Variants in ITGB3BP observed in about 807,000 individuals in gnomAD.
ITGB3BP encodes the protein centromere protein R.
In ITGB3BP, 27 loss-of-function variants were observed where a neutral mutation model predicts 29.1. The ratio of observed to expected loss-of-function variants is 0.93; its 90% CI spans 0.68 to 1.28. ITGB3BP has a LOEUF of 1.28. Ranked by LOEUF, ITGB3BP falls within the 50% of genes most tolerant of loss-of-function variation. ITGB3BP has a pLI of 0.00. For missense variants in ITGB3BP, 192 were observed against 200.2 expected (o/e 0.96, Z 0.25); for synonymous variants, 61 against 61.4 (o/e 0.99, Z 0.03).
intron 1 of ITGB3BP, among the ~76,000 whole-genome samples, chr1:63,518,609 A>G (rs955100075): frequency 3.5e-5 from 5 of 142,476 alleles, no homozygotes; most frequent in African/African-American, 7.8e-5. Flanking sequence ...TTTAACTTTC[A>G]ACTTTGTTGC....
At position 63,440,978 on chromosome 1, in the gene ITGB3BP, AC is replaced by A. The variant is rs1246724764; in HGVS notation, c.*126del. ...TGCAAGAAATTTTATCTAGACATGC[AC>A]CTGCCAACTGCTACGAGCTGGTATT... On this transcript the variant is annotated 3_prime_UTR_variant, in exon 9 of 9. Coordinates refer to ENST00000271002, the MANE Select transcript of ITGB3BP (RefSeq NM_014288.5). 2 of 152,604 alleles carry A rather than the reference AC, an allele frequency of 1.3e-5. No individual in the cohort carries two copies. Among genetic ancestry groups the A allele is most frequent in the Non-Finnish European group, 2.9e-5 (2 of 68,032 alleles). The allele number at this position is 152,604 out of a possible 1,614,324, so 9.5% of individuals were successfully genotyped here.
chr1:63,515,825 TAAAAAAAAAAAAAA>T (rs76881362), intron 1 of ITGB3BP, among the ~76,000 whole-genome samples: 2 of 48,634 alleles, frequency 4.1e-5, no homozygotes, highest in East Asian at 7.7e-4. Flanking sequence ...GACTCCAACT[TAAAAAAAAAAAAAA>T]AAAAAAAAAA....
chr1:63,523,150 G>T lies in ITGB3BP; in HGVS notation c.-17C>A. On this transcript the variant is annotated 5_prime_UTR_variant, in exon 1 of 9. Coordinates refer to ENST00000271002, the MANE Select transcript of ITGB3BP (RefSeq NM_014288.5). ...CTACGGCATTCTGAGATTCGGGAAA[G>T]CACCACTGCCGCTGAATAAAACGAA... is the stretch of plus-strand genomic sequence containing the variant. 1.2e-6 allele frequency: 2 copies of T among 1,614,086 alleles called. No individual in the cohort carries two copies. The highest frequency in any genetic ancestry group is 1.7e-6 in the Non-Finnish European group (2 of 1,180,016).
At chr1:63,482,613 C>T (rs1645458104) in intron 3 of ITGB3BP, among the ~76,000 whole-genome samples, 1 of 149,150 alleles carries the variant, frequency 6.7e-6, no homozygotes, top group Non-Finnish European at 1.5e-5. Context: ...TAAATAACCT[C>T]TTTGGAGGAT....
In ITGB3BP at chr1:63,505,031, G is replaced by C. The variant is rs114380037; in HGVS notation, c.48+3497C>G. Among the ~76,000 whole-genome samples, 673 of 152,306 alleles carry C rather than the reference G, an allele frequency of 4.4e-3. 5 individuals are homozygous for C. The highest frequency in any genetic ancestry group is 0.015 in the African/African-American group (619 of 41,564). On this transcript the variant is annotated intron_variant, in intron 2 of 8. Coordinates refer to ENST00000271002, the MANE Select transcript of ITGB3BP (RefSeq NM_014288.5). ...CAGGATGATGCTGGGCTCATAAAAT[G>C]CATCAGGGAGGATTCCCTCTTTTTC...
chr1:63,502,355 A>C (rs1333312319), intron 2 of ITGB3BP, among the ~76,000 whole-genome samples: 1 of 152,084 alleles, frequency 6.6e-6, no homozygotes, highest in African/African-American at 2.4e-5. Context: ...GGTATGGTCC[A>C]TATCTCTGCT....
At chr1:63,468,959 G>A (rs1275804562) in intron 4 of ITGB3BP, among the ~76,000 whole-genome samples, 2 of 151,962 alleles carry the variant, frequency 1.3e-5, no homozygotes, top group African/African-American at 2.4e-5. Flanking sequence ...CCTGAGGCAG[G>A]AGGATTGCTT....
At chr1:63,522,706 G>C (rs565675675) in intron 1 of ITGB3BP, among the ~76,000 whole-genome samples, 7 of 152,188 alleles carry the variant, frequency 4.6e-5, no homozygotes, top group African/African-American at 1.4e-4. Flanking sequence ...GTCTTATCTG[G>C]AATCCAGGTA....
chr1:63,510,671 G>C (rs1257349672), intron 1 of ITGB3BP, among the ~76,000 whole-genome samples: 1 of 152,128 alleles, frequency 6.6e-6, no homozygotes, highest in Non-Finnish European at 1.5e-5. Flanking sequence ...AGGGAAAACA[G>C]TTTGTGCAAC....
At position 63,474,756 on chromosome 1, in the gene ITGB3BP, GGAAGGCC is replaced by G. The variant is rs574059367; in HGVS notation, c.254+4001_254+4007del. ...AAGTACCCAGGGACACAAACACTGC[GGAAGGCC>G]GCAGGGTCCTCTGCCTAGGAAAACC... On this transcript the variant is annotated intron_variant, in intron 4 of 8. Transcript: ENST00000271002. Among the ~76,000 whole-genome samples, 1,068 of 151,162 alleles carry G rather than the reference GGAAGGCC, an allele frequency of 7.1e-3. 2 individuals are homozygous for G. Among genetic ancestry groups the G allele is most frequent in the East Asian group, 0.038 (195 of 5,142 alleles).
chr1:63,492,653 C>T (rs189912553), intron 2 of ITGB3BP, among the ~76,000 whole-genome samples: 2 of 152,170 alleles, frequency 1.3e-5, no homozygotes, highest in East Asian at 1.9e-4. Flanking sequence ...GAGAAGTCAG[C>T]AATCCTTCCA....
chr1:63,479,317 T>C (rs540192900), intron 3 of ITGB3BP, among the ~76,000 whole-genome samples: 67 of 152,184 alleles, frequency 4.4e-4, no homozygotes, highest in Non-Finnish European at 8.7e-4. Context: ...GGGGTAAAAG[T>C]ACCTTTTAAT....
At chr1:63,525,993 A>G (rs1646582591), upstream of ITGB3BP, among the ~76,000 whole-genome samples, 1 of 152,134 alleles carries the variant, frequency 6.6e-6, no homozygotes, top group South Asian at 2.1e-4. Flanking sequence ...GCTTCTATCA[A>G]TTACTACTTG....
chr1:63,476,086 A>G (rs1645335021), intron 4 of ITGB3BP, among the ~76,000 whole-genome samples: 1 of 150,342 alleles, frequency 6.7e-6, no homozygotes, highest in Non-Finnish European at 1.5e-5. Flanking sequence ...TGCAGCAGCT[A>G]TTTACAGGAG....
intron 8 of ITGB3BP, among the ~76,000 whole-genome samples, chr1:63,442,075 C>T (rs979621861): frequency 6.6e-6 from 1 of 152,184 alleles, no homozygotes; most frequent in Non-Finnish European, 1.5e-5. Context: ...GGCGACAGAA[C>T]GAGACCCTGT....
chr1:63,483,619 T>C (rs908504913), intron 3 of ITGB3BP, among the ~76,000 whole-genome samples: 1 of 152,236 alleles, frequency 6.6e-6, no homozygotes, highest in Non-Finnish European at 1.5e-5. Flanking sequence ...TGTTGTTCCT[T>C]TTCAGTCATT....
rs75680965 is a variant in ITGB3BP, at chr1:63,485,573, T to C, written c.184+4510A>G. Among the ~76,000 whole-genome samples, 1,467 of 152,240 alleles carry C rather than the reference T, an allele frequency of 9.6e-3. 22 individuals carry two copies. Among genetic ancestry groups the C allele is most frequent in the African/African-American group, 0.033 (1,355 of 41,572 alleles). On this transcript the variant is annotated intron_variant, in intron 3 of 8. Coordinates refer to ENST00000271002, the MANE Select transcript of ITGB3BP (RefSeq NM_014288.5). The stretch of plus-strand genomic sequence containing the variant: ...ACATGTTTGCTAATTCACTTTTTCA[T>C]CATTGCTTTTTGCAATTCCACTCCT...
chr1:63,488,082 T>G (rs559362876), intron 3 of ITGB3BP, among the ~76,000 whole-genome samples: 1 of 152,112 alleles, frequency 6.6e-6, no homozygotes. Flanking sequence ...AAGGAAGACA[T>G]AGAACTAAAT....
upstream of ITGB3BP, among the ~76,000 whole-genome samples, chr1:63,523,836 T>A (rs760433814): frequency 9.2e-5 from 14 of 152,234 alleles, no homozygotes; most frequent in Non-Finnish European, 1.8e-4. Context: ...TGTGACGGTA[T>A]TTCACTGTGT....
Sources: gnomAD v4.1 joint callset for allele counts (sites outside exome capture counted in the v4.1 genomes callset) on GRCh38, gnomAD v4.1.1 for gene constraint, MANE v1.5 for transcripts, NCBI Gene and HGNC (gene_info 2026-07-23, HGNC 2026-07-21) for gene names.